PLCB1: variants seen among roughly 807,000 people sequenced by gnomAD.
PLCB1 encodes phospholipase C beta 1, also known as 1-phosphatidylinositol 4,5-bisphosphate phosphodiesterase beta-1.
In PLCB1, 46 loss-of-function variants were observed where a neutral mutation model predicts 161.8. The ratio of observed to expected loss-of-function variants is 0.28; its 90% confidence interval spans 0.22 to 0.36. The LOEUF is 0.36. PLCB1 is among the 10% of genes least tolerant of loss of function. PLCB1 has a pLI of 1.00. For missense variants in PLCB1, 1,016 were observed against 1,472.5 expected (o/e 0.69, Z 5.07); for synonymous variants, 517 against 503.7 (o/e 1.03, Z -0.35).
intron 2 of PLCB1, among the ~76,000 whole-genome samples, chr20:8,230,268 T>C (rs1191723274): frequency 6.6e-6 from 1 of 152,118 alleles, no homozygotes. Flanking sequence ...AATTGATACA[T>C]AATATGTGTA....
chr20:8,545,086 A>G (rs879309156), intron 3 of PLCB1, among the ~76,000 whole-genome samples: 15 of 152,224 alleles, frequency 9.9e-5, no homozygotes, highest in Non-Finnish European at 1.9e-4. Flanking sequence ...ATGCAAAGCC[A>G]TATGTGGAAA....
intron 3 of PLCB1, among the ~76,000 whole-genome samples, chr20:8,390,541 G>T (rs937950761): frequency 2.0e-5 from 3 of 152,156 alleles, no homozygotes; most frequent in African/African-American, 7.2e-5. Flanking sequence ...TTCTTTATAA[G>T]GAGTAGCAGT....
chr20:8,277,524 A>G (rs1982643768), intron 2 of PLCB1, among the ~76,000 whole-genome samples: 1 of 152,166 alleles, frequency 6.6e-6, no homozygotes, highest in Non-Finnish European at 1.5e-5. Context: ...CTACTTTAAT[A>G]TATTTCTTAG....
chr20:8,368,011 G>A (rs911415260), intron 2 of PLCB1, among the ~76,000 whole-genome samples: 6 of 152,132 alleles, frequency 3.9e-5, no homozygotes, highest in East Asian at 1.9e-4. Context: ...AGTGCCCTGC[G>A]GTGGTTTTCA....
At chr20:8,377,583 G>C (rs1040604798) in intron 3 of PLCB1, among the ~76,000 whole-genome samples, 2 of 152,184 alleles carry the variant, frequency 1.3e-5, no homozygotes, top group African/African-American at 4.8e-5. Flanking sequence ...TGAGGTGGTA[G>C]CTAGAGAGGT....
At chr20:8,667,949 T>A (rs1989853822) in intron 9 of PLCB1, among the ~76,000 whole-genome samples, 1 of 152,100 alleles carries the variant, frequency 6.6e-6, no homozygotes, top group Non-Finnish European at 1.5e-5. Context: ...CAGCAGGGTC[T>A]AGGAGCAGGT....
chr20:8,421,549 T>C (rs186430405), intron 3 of PLCB1, among the ~76,000 whole-genome samples: 244 of 152,300 alleles, frequency 1.6e-3, no homozygotes, highest in African/African-American at 5.7e-3. Context: ...TATGTCATAA[T>C]GCTCTCTTGA....
chr20:8,710,059 C>T (rs945139976), intron 12 of PLCB1, among the ~76,000 whole-genome samples: 8 of 152,134 alleles, frequency 5.3e-5, no homozygotes, highest in African/African-American at 1.9e-4. Flanking sequence ...CATTCTTGTA[C>T]TGCTATAAAG....
chr20:8,133,701 G>C (rs2051315818), intron 1 of PLCB1, among the ~76,000 whole-genome samples: 1 of 152,084 alleles, frequency 6.6e-6, no homozygotes. Context: ...TTATGTCCTG[G>C]GTGTCATTCT....
At chr20:8,428,693 C>T (rs997625155) in intron 3 of PLCB1, among the ~76,000 whole-genome samples, 1 of 152,212 alleles carries the variant, frequency 6.6e-6, no homozygotes. Flanking sequence ...GGAATTGTGG[C>T]CGATTGAATA....
chr20:8,767,307 A>G (rs1982372339), intron 26 of PLCB1, among the ~76,000 whole-genome samples: 1 of 152,192 alleles, frequency 6.6e-6, no homozygotes, highest in Non-Finnish European at 1.5e-5. Context: ...CTGCTGGTCC[A>G]CAGACTTTCC....
chr20:8,546,079 G>T (rs1985531412), intron 3 of PLCB1, among the ~76,000 whole-genome samples: 1 of 152,108 alleles, frequency 6.6e-6, no homozygotes, highest in Non-Finnish European at 1.5e-5. Context: ...CACTTTGGGA[G>T]GCCGAGGCGG....
At chr20:8,729,428 T>G (rs568532060) in intron 18 of PLCB1, 12 of 269,204 alleles carry the variant, frequency 4.5e-5, no homozygotes, top group African/African-American at 2.2e-4. Context: ...ATTTTTATGC[T>G]TTTTAAGATA....
intron 3 of PLCB1, among the ~76,000 whole-genome samples, chr20:8,491,780 T>C (rs1292751712): frequency 2.0e-5 from 3 of 152,174 alleles, no homozygotes; most frequent in Non-Finnish European, 4.4e-5. Context: ...TCCTTTCCTG[T>C]ACCAAGGATT....
At chr20:8,357,604 C>G (rs1417758743) in intron 2 of PLCB1, among the ~76,000 whole-genome samples, 1 of 151,582 alleles carries the variant, frequency 6.6e-6, no homozygotes, top group Non-Finnish European at 1.5e-5. Context: ...ATCCCTTGAG[C>G]CCAGGAGTTC....
chr20:8,699,373 G>A (rs552355622), intron 11 of PLCB1, among the ~76,000 whole-genome samples: 66 of 152,326 alleles, frequency 4.3e-4, no homozygotes, highest in Non-Finnish European at 6.5e-4. Context: ...GGTTAGTGAC[G>A]AAGCTTTGGA....
At chr20:8,771,636 CGTT>C (rs897535252) in intron 26 of PLCB1, among the ~76,000 whole-genome samples, 1 of 151,930 alleles carries the variant, frequency 6.6e-6, no homozygotes, top group Non-Finnish European at 1.5e-5. Context: ...GATGCAGAGA[CGTT>C]GTTCACTTGT....
In PLCB1 at chr20:8,879,296, GAA is replaced by G. The variant is rs11470638; in HGVS notation, c.3424-2312_3424-2311del. Among the ~76,000 whole-genome samples the G allele has an allele frequency of 2.2e-3, 306 of 138,518 alleles. 1 individual carries two copies. Among genetic ancestry groups the G allele is most frequent in the African/African-American group, 6.4e-3 (251 of 39,118 alleles). 90.9% of individuals were successfully genotyped at this position (138,518 alleles called of 152,430 possible). On this transcript the variant is annotated intron_variant, in intron 31 of 31. Coordinates refer to ENST00000338037, the MANE Select transcript of PLCB1 (RefSeq NM_015192.4). ...GTGCATGTCACACACTTTTTGATGT[GAA>G]AAAAAAAAAAAAACAAGTCATTTAA... is the stretch of plus-strand genomic sequence containing the variant.
At chr20:8,486,175 A>G (rs966787324) in intron 3 of PLCB1, among the ~76,000 whole-genome samples, 2 of 152,124 alleles carry the variant, frequency 1.3e-5, no homozygotes, top group African/African-American at 4.8e-5. Context: ...CCCATGACAC[A>G]TGGGGATTAT....
Sources: allele counts gnomAD v4.1 joint callset (sites outside exome capture counted in the v4.1 genomes callset), GRCh38; gene constraint gnomAD v4.1.1; transcripts MANE v1.5; gene names NCBI Gene and HGNC (gene_info 2026-07-23, HGNC 2026-07-21).